Variants in PTGR3 observed in about 807,000 individuals in gnomAD.
PTGR3 encodes zinc binding alcohol dehydrogenase domain containing 2.
At chr18:75,208,486 TG>T in the PTGR3 span, 7 of 1,030,182 alleles carry the variant, frequency 6.8e-6, no homozygotes, top group East Asian at 5.8e-4. Flanking sequence ...ACGCAGGAAC[TG>T]TGGGTGCGCG....
chr18:75,201,937 A>G, the PTGR3 span: 3 of 1,614,244 alleles, frequency 1.9e-6, no homozygotes, highest in Non-Finnish European at 2.5e-6. Flanking sequence ...TCATCAGAAG[A>G]GCAGGTTCCA....
At chr18:75,195,832 TG>T in the PTGR3 span, 1 of 152,214 alleles carries the variant, frequency 6.6e-6, no homozygotes, top group East Asian at 1.9e-4. Flanking sequence ...GAGGATCGCT[TG>T]GGCCCAGGAG....
chr18:75,204,551 C>A, the PTGR3 span, among the ~76,000 whole-genome samples: 26 of 152,172 alleles, frequency 1.7e-4, no homozygotes, highest in Non-Finnish European at 3.2e-4. Context: ...CCCGCGTGCC[C>A]GTCCAGGCTC....
chr18:75,196,658 G>A, the PTGR3 span: 29 of 91,084 alleles, frequency 3.2e-4, no homozygotes, highest in Middle Eastern at 8.1e-3. Context: ...AAAAAAAAAA[G>A]TCTGTACTTT....
chr18:75,206,510 C>T, the PTGR3 span, among the ~76,000 whole-genome samples: 1 of 152,160 alleles, frequency 6.6e-6, no homozygotes, highest in Non-Finnish European at 1.5e-5. Flanking sequence ...ATGAACTAAC[C>T]TGCAGTGAAT....
the PTGR3 span, chr18:75,199,156 C>A: frequency 3.9e-5 from 6 of 152,608 alleles, no homozygotes; most frequent in East Asian, 7.7e-4. Flanking sequence ...TAATCCTGGG[C>A]GTTTGAATTT....
At chr18:75,204,053 C>T in the PTGR3 span, among the ~76,000 whole-genome samples, 392 of 152,352 alleles carry the variant, frequency 2.6e-3, no homozygotes, top group African/African-American at 9.0e-3. Flanking sequence ...CAATCCTTTG[C>T]CCACGATTAA....
At chr18:75,209,106 C>T in the PTGR3 span, 1 of 1,396,230 alleles carries the variant, frequency 7.2e-7, no homozygotes, top group South Asian at 1.6e-5. This position sits in a 1 kb window ranked among gnomAD's most constrained non-coding sequence, Gnocchi z 4.7. Flanking sequence ...CCGGGGTCGG[C>T]CCCCGCCCGG....
At chr18:75,208,372 A>G in the PTGR3 span, 2 of 987,286 alleles carry the variant, frequency 2.0e-6, no homozygotes, top group African/African-American at 1.7e-5. Context: ...TGGAGGGAAC[A>G]GGGAAAGCCA....
chr18:75,201,496 C>T, the PTGR3 span: 1 of 1,614,068 alleles, frequency 6.2e-7, no homozygotes, highest in Non-Finnish European at 8.5e-7. Context: ...TAATTGACAG[C>T]ACGGAATATG....
At chr18:75,206,782 G>T in the PTGR3 span, among the ~76,000 whole-genome samples, 1 of 152,224 alleles carries the variant, frequency 6.6e-6, no homozygotes, top group Non-Finnish European at 1.5e-5. Flanking sequence ...CTTGGCGTGT[G>T]TGCAGGGAAA....
the PTGR3 span, chr18:75,199,423 G>C: frequency 6.6e-6 from 1 of 152,352 alleles, no homozygotes; most frequent in East Asian, 1.9e-4. Flanking sequence ...AAGCAACTAA[G>C]CCTTTTGGAC....
chr18:75,205,014 G>C, the PTGR3 span, among the ~76,000 whole-genome samples: 1 of 152,206 alleles, frequency 6.6e-6, no homozygotes, highest in African/African-American at 2.4e-5. Flanking sequence ...GGAGGCTTAG[G>C]CTGGCTGACG....
At chr18:75,209,096 C>T in the PTGR3 span, 3 of 1,434,112 alleles carry the variant, frequency 2.1e-6, no homozygotes, top group East Asian at 6.1e-5. The surrounding 1 kb of genome is among the most constrained non-coding windows in gnomAD (Gnocchi z 4.7). Flanking sequence ...CCGACGCTGG[C>T]CGGGGTCGGC....
the PTGR3 span, chr18:75,208,824 G>GTGGGGT: frequency 6.9e-7 from 1 of 1,451,454 alleles, no homozygotes; most frequent in Non-Finnish European, 9.1e-7. Context: ...GAACGGGGGC[G>GTGGGGT]TGGGGTTGGG....
chr18:75,202,122 A>G, the PTGR3 span: 1 of 1,614,116 alleles, frequency 6.2e-7, no homozygotes, highest in Non-Finnish European at 8.5e-7. Flanking sequence ...CACTGAGGGC[A>G]CTGGAGTTGC....
the PTGR3 span, chr18:75,208,238 C>T: frequency 1.2e-6 from 1 of 839,398 alleles, no homozygotes; most frequent in Non-Finnish European, 1.4e-6. Context: ...CGCCACGCGG[C>T]GGTCGTTAAC....
the PTGR3 span, chr18:75,197,623 G>A: frequency 6.6e-6 from 1 of 152,094 alleles, no homozygotes; most frequent in African/African-American, 2.4e-5. Flanking sequence ...TGATAATCCA[G>A]TTTTGTATTT....
the PTGR3 span, among the ~76,000 whole-genome samples, chr18:75,203,471 G>A: frequency 6.6e-6 from 1 of 152,248 alleles, no homozygotes; most frequent in Admixed American, 6.5e-5. Context: ...ACACTTTCAC[G>A]GTGATATAGG....
Sources: allele counts gnomAD v4.1 joint callset (sites outside exome capture counted in the v4.1 genomes callset), GRCh38; gene constraint gnomAD v4.1.1; non-coding constraint Gnocchi (gnomAD v3.1); transcripts MANE v1.5; gene names NCBI Gene and HGNC (gene_info 2026-07-23, HGNC 2026-07-21).